The following CACNA1C variants were observed in gnomAD, a reference collection of about 807,000 sequenced individuals.
CACNA1C encodes the protein calcium voltage-gated channel subunit alpha1 C, also known as voltage-dependent L-type calcium channel subunit alpha-1C.
CACNA1C carries 30 observed loss-of-function variants against 229.0 expected under a neutral mutation model. The observed-to-expected ratio is 0.13, with a 90% CI of 0.10 to 0.18. The LOEUF is 0.18. Among genes scored for constraint, CACNA1C ranks in the 10% least tolerant of loss-of-function variants. The pLI is 1.00. For synonymous variants in CACNA1C, 1,114 were observed against 1,132.5 expected (o/e 0.98, Z 0.33); for missense variants, 1,658 against 2,845.0 (o/e 0.58, Z 9.49).
chr12:2,156,311 G>A (rs565608566), intron 3 of CACNA1C, among the ~76,000 whole-genome samples: 18 of 152,250 alleles, frequency 1.2e-4, no homozygotes, highest in African/African-American at 4.1e-4. Context: ...ATAGAATAAA[G>A]TGACATGGAA....
intron 3 of CACNA1C, among the ~76,000 whole-genome samples, chr12:2,379,124 C>A (rs962194188): frequency 5.3e-5 from 8 of 152,194 alleles, no homozygotes; most frequent in Non-Finnish European, 7.3e-5. Flanking sequence ...AATCAAGGGC[C>A]TCTCTTGGCA....
At chr12:2,224,024 A>G (rs2062182198) in intron 3 of CACNA1C, among the ~76,000 whole-genome samples, 1 of 152,204 alleles carries the variant, frequency 6.6e-6, no homozygotes, top group African/African-American at 2.4e-5. Flanking sequence ...AGAAATCAGG[A>G]AAATAAAAGT....
chr12:2,386,543 G>T (rs2098394430), intron 3 of CACNA1C, among the ~76,000 whole-genome samples: 1 of 152,112 alleles, frequency 6.6e-6, no homozygotes, highest in Non-Finnish European at 1.5e-5. Flanking sequence ...TCACTTCCTT[G>T]TCTGCCTGGC....
At chr12:2,644,640 C>T (rs2094139084) in intron 30 of CACNA1C, among the ~76,000 whole-genome samples, 1 of 152,292 alleles carries the variant, frequency 6.6e-6, no homozygotes, top group South Asian at 2.1e-4. Flanking sequence ...CTCTGCTGGC[C>T]TCTGGCATTC....
At chr12:2,071,929 AC>A (rs1450035781) in intron 1 of CACNA1C, among the ~76,000 whole-genome samples, 5 of 152,214 alleles carry the variant, frequency 3.3e-5, no homozygotes, top group Admixed American at 3.3e-4. Flanking sequence ...TACTGCCAGA[AC>A]TGGAAATTTG....
rs561105473 is a variant in CACNA1C at position 2,203,072 on chromosome 12, G to C, written c.477+82642G>C. On this transcript the variant is annotated intron_variant, in intron 3 of 46. Transcript: ENST00000399655. ...AAAGTTCTCTGGGGAATTTAGAAAG[G>C]TCTTGATTTCCATGCTGGGGGTGTA... Among the ~76,000 whole-genome samples, 39 of 152,272 alleles carry C rather than the reference G, an allele frequency of 2.6e-4. No individual in the cohort carries two copies. The South Asian group carries it at 6.6e-3, about 26-fold the overall frequency.
At chr12:2,495,681 G>A (rs1258591448) in intron 7 of CACNA1C, among the ~76,000 whole-genome samples, 1 of 152,214 alleles carries the variant, frequency 6.6e-6, no homozygotes, top group Non-Finnish European at 1.5e-5. Context: ...ATAGTGCTCA[G>A]GCTGGGAATG....
intron 21 of CACNA1C, among the ~76,000 whole-genome samples, chr12:2,599,190 G>A (rs1339856531): frequency 6.6e-6 from 1 of 152,206 alleles, no homozygotes; most frequent in African/African-American, 2.4e-5. Context: ...GTCATGGCAA[G>A]GTCCTTCCAT....
intron 29 of CACNA1C, among the ~76,000 whole-genome samples, chr12:2,631,756 C>G (rs774218642): frequency 8.5e-5 from 13 of 152,236 alleles, no homozygotes; most frequent in Non-Finnish European, 1.5e-4. Context: ...CTCTGCTTCA[C>G]CCATCCTGGC....
chr12:1,988,788 C>T (rs2038546092), intron 1 of CACNA1C, among the ~76,000 whole-genome samples: 2 of 152,150 alleles, frequency 1.3e-5, no homozygotes, highest in African/African-American at 4.8e-5. Context: ...TTTTCCTTTT[C>T]ATTCAGGGTA....
At chr12:2,535,995 C>T (rs190586244) in intron 9 of CACNA1C, among the ~76,000 whole-genome samples, 3 of 152,320 alleles carry the variant, frequency 2.0e-5, no homozygotes, top group Admixed American at 6.5e-5. Flanking sequence ...TCATCAATGG[C>T]GGCAGCCTAG....
intron 1 of CACNA1C, chr12:1,992,163 T>C: frequency 5.1e-6 from 1 of 195,880 alleles, no homozygotes; most frequent in South Asian, 7.1e-5. Flanking sequence ...CACAATATTT[T>C]TCTATATTGC....
chr12:2,323,513 G>T (rs2096126060), intron 3 of CACNA1C, among the ~76,000 whole-genome samples: 1 of 152,136 alleles, frequency 6.6e-6, no homozygotes, highest in Admixed American at 6.5e-5. Context: ...CCACATAGGA[G>T]GCGGGATCTT....
intron 3 of CACNA1C, among the ~76,000 whole-genome samples, chr12:2,260,475 TA>T (rs549203538): frequency 0.044 from 4,490 of 100,980 alleles, 93 homozygotes; most frequent in African/African-American, 0.067. Context: ...CTGTCTCTAT[TA>T]AAAAAAAAAA....
intron 3 of CACNA1C, among the ~76,000 whole-genome samples, chr12:2,234,888 G>A (rs2066723921): frequency 6.6e-6 from 1 of 152,130 alleles, no homozygotes; most frequent in Non-Finnish European, 1.5e-5. Context: ...CAATAGAAGT[G>A]ACGAGCGATT....
chr12:2,461,640 T>C lies in CACNA1C; in HGVS notation c.757+3934T>C, dbSNP rs192238428. ...AGTATCTTGCACTTAGCAAGACTCA[T>C]GGCAGAACTCACAGTCTTCCCAGAG... On this transcript the variant is annotated intron_variant, in intron 5 of 46. Transcript: ENST00000399655. 5.7e-4 allele frequency among the ~76,000 whole-genome samples: 87 copies of C among 152,320 alleles called. 1 individual carries two copies. The Middle Eastern group carries it at 0.01, about 18-fold the overall frequency.
intron 3 of CACNA1C, among the ~76,000 whole-genome samples, chr12:2,443,900 G>A (rs2099252203): frequency 6.6e-6 from 1 of 152,074 alleles, no homozygotes; most frequent in Admixed American, 6.6e-5. Flanking sequence ...ATTCTAGAAG[G>A]GCAGTCATGC....
intron 21 of CACNA1C, among the ~76,000 whole-genome samples, chr12:2,599,333 C>T (rs2070613578): frequency 6.6e-6 from 1 of 152,168 alleles, no homozygotes; most frequent in Non-Finnish European, 1.5e-5. Flanking sequence ...TGTCATGGCA[C>T]AGATGACCGT....
At chr12:2,497,969 T>TCACACACACACACA (rs3058710) in intron 7 of CACNA1C, among the ~76,000 whole-genome samples, 3,425 of 143,930 alleles carry the variant, frequency 0.024, 83 homozygotes, top group African/African-American at 0.054. Flanking sequence ...TCTATTAAAT[T>TCACACACACACACA]CACACACACA....
Sources: gnomAD v4.1 joint callset for allele counts (sites outside exome capture counted in the v4.1 genomes callset) on GRCh38, gnomAD v4.1.1 for gene constraint, MANE v1.5 for transcripts, NCBI Gene and HGNC (gene_info 2026-07-23, HGNC 2026-07-21) for gene names.